The following ERICH1 variants were observed in gnomAD, a reference collection of about 807,000 sequenced individuals.
ERICH1 encodes the protein glutamate-rich protein 1.
A neutral mutation model predicts 39.6 loss-of-function variants in ERICH1; 56 were observed. The observed-to-expected ratio is 1.41, with a 90% CI of 1.14 to 1.77. ERICH1 has a LOEUF of 1.77. ERICH1 is among the 40% of genes most tolerant of loss of function. The probability of loss-of-function intolerance (pLI) is 0.00; values close to 1 mark genes in which losing one functional copy is unlikely to be tolerated. For missense variants in ERICH1, 826 were observed against 575.4 expected, an observed-to-expected ratio of 1.44 and a Z score of -4.45; for synonymous variants, 313 against 223.6, an observed-to-expected ratio of 1.40 and a Z score of -3.57.
Position 664,642 on chromosome 8 carries a change from G to C in ERICH1, c.1293C>G (p.Tyr431Ter), listed in dbSNP as rs1585119055. The change falls in exon 6 of 6, where the codon TAC (tyrosine) becomes TAG (stop). Residue 431 changes from tyrosine to a stop codon, truncating the protein, a stop_gained. Coordinates refer to ENST00000262109, the MANE Select transcript of ERICH1 (RefSeq NM_207332.3). LOFTEE classifies it high-confidence loss of function. ...HARVISAFFS[Y>*]WITHILPEKS... ...TCTCAGGAAGGATATGTGTGATCCA[G>C]TAACTAAAGAAAGCTGAGATTACTC... 6.2e-7 allele frequency: 1 copy of C among 1,612,872 alleles called. No homozygotes were observed. The highest frequency in any genetic ancestry group is 8.5e-7 in the Non-Finnish European group (1 of 1,179,666).
At chr8:702,400 C>G (rs1050268817) in intron 2 of ERICH1, among the ~76,000 whole-genome samples, 8 of 152,138 alleles carry the variant, frequency 5.3e-5, no homozygotes, top group African/African-American at 1.7e-4. Flanking sequence ...GAATCTGTCC[C>G]TACGTTGAAA....
At chr8:615,551 G>T in intron 3 of ERICH1, 1 of 383,590 alleles carries the variant, frequency 2.6e-6, no homozygotes, top group Non-Finnish European at 4.6e-6. Flanking sequence ...GATTACGGAG[G>T]TGATGGCTGC....
intron 3 of ERICH1, among the ~76,000 whole-genome samples, chr8:657,965 A>G (rs1242360685): frequency 1.3e-5 from 2 of 152,266 alleles, no homozygotes; most frequent in South Asian, 2.1e-4. Flanking sequence ...TTAATGTCCA[A>G]ATACAAGGCT....
intron 2 of ERICH1, among the ~76,000 whole-genome samples, chr8:693,715 G>A (rs1238868947): frequency 1.0e-4 from 15 of 149,750 alleles, no homozygotes; most frequent in African/African-American, 3.2e-4. Flanking sequence ...CACCGTGGAC[G>A]GCGGCTGGAA....
rs1563319316 is a variant in ERICH1 at position 708,681 on chromosome 8, G to GTTTTTTTTTTGTTTTTTTTTTT, written c.169+7179_169+7180insAAAAAAAAAAACAAAAAAAAAA. Among the ~76,000 whole-genome samples, 245 of 65,754 alleles carry GTTTTTTTTTTGTTTTTTTTTTT rather than the reference G, an allele frequency of 3.7e-3. 23 individuals carry two copies. The highest frequency in any genetic ancestry group is 0.029 in the Middle Eastern group (3 of 104). 43.1% of individuals were successfully genotyped at this position (65,754 alleles called of 152,430 possible). A position where few individuals can be genotyped will look rare whatever the true frequency, so the allele number is the denominator to read the frequency against. On this transcript the variant is annotated intron_variant, in intron 2 of 5. Coordinates refer to ENST00000262109, the MANE Select transcript of ERICH1 (RefSeq NM_207332.3). ...GGGCTGAGTGGTTACGGGATAATGA[G>GTTTTTTTTTTGTTTTTTTTTTT]TTTTTTTTTTTTTTTTTTTTTTTTT... is the stretch of plus-strand genomic sequence containing the variant.
At chr8:638,521 G>A (rs1798634510) in intron 3 of ERICH1, among the ~76,000 whole-genome samples, 1 of 152,206 alleles carries the variant, frequency 6.6e-6, no homozygotes, top group Non-Finnish European at 1.5e-5. Context: ...CTGAGTGTGG[G>A]TCAGAACAAG....
intron 3 of ERICH1, among the ~76,000 whole-genome samples, chr8:643,771 T>C (rs895063111): frequency 1.3e-5 from 2 of 152,160 alleles, no homozygotes; most frequent in African/African-American, 4.8e-5. Context: ...TGGAAGGTTG[T>C]AGGCGCAACT....
At chr8:660,059 G>A (rs941747317), downstream of ERICH1, among the ~76,000 whole-genome samples, 3 of 152,250 alleles carry the variant, frequency 2.0e-5, no homozygotes, top group Admixed American at 6.5e-5. Flanking sequence ...GTGGAACAGA[G>A]GCCTGTGCTG....
chr8:654,456 T>C (rs1800358539), intron 3 of ERICH1, among the ~76,000 whole-genome samples: 2 of 152,150 alleles, frequency 1.3e-5, no homozygotes, highest in African/African-American at 2.4e-5. Context: ...TTTCCTGATC[T>C]GGGTGTGGGT....
At chr8:641,872 C>T (rs988892826) in intron 3 of ERICH1, among the ~76,000 whole-genome samples, 1 of 152,208 alleles carries the variant, frequency 6.6e-6, no homozygotes, top group Non-Finnish European at 1.5e-5. Flanking sequence ...TGCCTCTGGC[C>T]GTATGCAGTC....
chr8:632,209 G>C (rs956974071), intron 3 of ERICH1, among the ~76,000 whole-genome samples: 1 of 152,064 alleles, frequency 6.6e-6, no homozygotes, highest in Non-Finnish European at 1.5e-5. Context: ...ATTTGTCCCG[G>C]GGTCTCATTT....
intron 3 of ERICH1, among the ~76,000 whole-genome samples, chr8:690,679 C>G (rs185681904): frequency 6.6e-6 from 1 of 152,238 alleles, no homozygotes; most frequent in Non-Finnish European, 1.5e-5. Flanking sequence ...GGGGATGCCC[C>G]GGCGCAGAGC....
chr8:728,208 G>A (rs1304785009), intron 1 of ERICH1, among the ~76,000 whole-genome samples: 1 of 152,218 alleles, frequency 6.6e-6, no homozygotes, highest in Non-Finnish European at 1.5e-5. Context: ...CCAGGGAGGA[G>A]GCTCCGCCAG....
intron 2 of ERICH1, among the ~76,000 whole-genome samples, chr8:711,669 T>A (rs1439123039): frequency 6.6e-6 from 1 of 152,154 alleles, no homozygotes; most frequent in Non-Finnish European, 1.5e-5. Context: ...AGCTGATTTT[T>A]TGTATTTTTA....
At chr8:727,732 AGCCGGGCCAGCAAG>A (rs963041695) in intron 1 of ERICH1, among the ~76,000 whole-genome samples, 5 of 152,132 alleles carry the variant, frequency 3.3e-5, no homozygotes, top group African/African-American at 1.2e-4. Context: ...CAGAAGGCCC[AGCCGGGCCAGCAAG>A]GCCGGGCCAG....
intron 2 of ERICH1, among the ~76,000 whole-genome samples, chr8:710,841 T>C (rs923962126): frequency 2.6e-5 from 4 of 152,230 alleles, no homozygotes; most frequent in African/African-American, 9.6e-5. Context: ...TAAACATCCA[T>C]GTGCAGGTTT....
chr8:704,969 G>C (rs1812931027), intron 2 of ERICH1, among the ~76,000 whole-genome samples: 1 of 152,124 alleles, frequency 6.6e-6, no homozygotes, highest in South Asian at 2.1e-4. Context: ...TTAAAAAAAA[G>C]TTCAATATGG....
chr8:621,050 G>C (rs1210909557), intron 3 of ERICH1, among the ~76,000 whole-genome samples: 2 of 151,716 alleles, frequency 1.3e-5, no homozygotes, highest in Admixed American at 6.6e-5. Flanking sequence ...CCTTTAAATA[G>C]GATTGAAATC....
Position 654,911 on chromosome 8 carries a change from C to T in ERICH1, c.976+13687G>A, listed in dbSNP as rs551642058. Among the ~76,000 whole-genome samples the T allele has an allele frequency of 5.9e-5, 9 of 152,332 alleles. No individual in the cohort carries two copies. The South Asian group carries it at 1.0e-3, about 18-fold the overall frequency. Reference sequence around the variant, plus strand: ...GGAACACCTGCCAAGCTGGAGACAGCGGGTCACAATGGCTTTGCTTGCGGT... The same window carrying T: ...GGAACACCTGCCAAGCTGGAGACAGTGGGTCACAATGGCTTTGCTTGCGGT... On this transcript the variant is annotated intron_variant, in intron 3 of 3. Coordinates refer to the ERICH1 transcript ENST00000522706.
Sources: allele counts gnomAD v4.1 joint callset (sites outside exome capture counted in the v4.1 genomes callset), GRCh38; gene constraint gnomAD v4.1.1; transcripts MANE v1.5; gene names NCBI Gene and HGNC (gene_info 2026-07-23, HGNC 2026-07-21).